The following RBFOX1 variants were observed in gnomAD, a reference collection of about 807,000 sequenced individuals.
RBFOX1 encodes the protein RNA binding protein fox-1 homolog 1.
In RBFOX1, 8 loss-of-function variants were observed where a neutral mutation model predicts 57.7. The observed-to-expected ratio is 0.14, with a 90% CI of 0.08 to 0.25. RBFOX1 has a LOEUF of 0.25. Ranked by LOEUF, RBFOX1 falls within the 10% of genes least tolerant of loss-of-function variation. The probability of loss-of-function intolerance (pLI) is 1.00; values close to 1 mark genes in which losing one functional copy is unlikely to be tolerated. For synonymous variants in RBFOX1, 326 were observed against 222.4 expected, an observed-to-expected ratio of 1.47 and a Z score of -4.15; for missense variants, 611 against 548.5, an observed-to-expected ratio of 1.11 and a Z score of -1.14.
At chr16:6,660,007 C>T (rs777556069) in intron 3 of RBFOX1, among the ~76,000 whole-genome samples, 16 of 151,870 alleles carry the variant, frequency 1.1e-4, no homozygotes, top group Non-Finnish European at 1.9e-4. Flanking sequence ...GAGGCGGCCT[C>T]CAAGATCAGG....
chr16:7,305,376 C>T (rs1306874762), intron 4 of RBFOX1, among the ~76,000 whole-genome samples: 1 of 152,084 alleles, frequency 6.6e-6, no homozygotes, highest in African/African-American at 2.4e-5. Context: ...GGGTGACAGG[C>T]CAGCTCTCTG....
intron 1 of RBFOX1, among the ~76,000 whole-genome samples, chr16:5,463,095 A>T (rs2068842167): frequency 6.6e-6 from 1 of 152,208 alleles, no homozygotes; most frequent in African/African-American, 2.4e-5. Context: ...ATATTTTTGC[A>T]TTTTTAGGAA....
intron 4 of RBFOX1, among the ~76,000 whole-genome samples, chr16:7,179,075 A>C (rs1046352322): frequency 1.3e-5 from 2 of 152,122 alleles, no homozygotes; most frequent in African/African-American, 4.8e-5. Context: ...CTGATGCATA[A>C]TTAATGTACA....
chr16:5,882,571 C>T (rs1457287717), intron 4 of RBFOX1, among the ~76,000 whole-genome samples: 2 of 152,120 alleles, frequency 1.3e-5, no homozygotes, highest in African/African-American at 4.8e-5. Flanking sequence ...CTGGAGGGCT[C>T]ATGATTTGTG....
chr16:6,312,414 A>G (rs1353813968), intron 1 of RBFOX1, among the ~76,000 whole-genome samples: 1 of 151,964 alleles, frequency 6.6e-6, no homozygotes, highest in Non-Finnish European at 1.5e-5. Flanking sequence ...GAGAAGAGTG[A>G]CCCCACAGTT....
intron 1 of RBFOX1, among the ~76,000 whole-genome samples, chr16:6,295,259 G>C (rs2152730620): frequency 6.6e-6 from 1 of 152,248 alleles, no homozygotes; most frequent in East Asian, 1.9e-4. Context: ...AAGTAGCTGG[G>C]ATTACAGGCA....
intron 3 of RBFOX1, among the ~76,000 whole-genome samples, chr16:5,664,948 C>CTTTTT (rs35998497): frequency 1.4e-5 from 2 of 146,862 alleles, no homozygotes; most frequent in Admixed American, 6.8e-5. Context: ...TATCTCTGCT[C>CTTTTT]TTTTTTTTTT....
intron 3 of RBFOX1, among the ~76,000 whole-genome samples, chr16:6,790,191 T>TATTATTATTATTATTA (rs1555469992): frequency 2.3e-4 from 34 of 148,316 alleles, no homozygotes; most frequent in Middle Eastern, 3.6e-3. Context: ...TTATTATTAT[T>TATTATTATTATTATTA]ATTATTATTT....
chr16:7,587,413 T>C, intron 7 of RBFOX1, 113 bp downstream of exon 7: 19 of 1,154,442 alleles, frequency 1.6e-5, no homozygotes, highest in Non-Finnish European at 2.1e-5. Flanking sequence ...TACACTTCAG[T>C]GGGAATTCCT....
intron 1 of RBFOX1, among the ~76,000 whole-genome samples, chr16:6,185,866 T>C (rs1233818619): frequency 1.3e-5 from 2 of 152,170 alleles, no homozygotes; most frequent in Non-Finnish European, 2.9e-5. Flanking sequence ...CTTGACATCC[T>C]AAAGAAGAAG....
intron 4 of RBFOX1, among the ~76,000 whole-genome samples, chr16:7,415,135 G>C (rs61632622): frequency 6.6e-6 from 1 of 152,084 alleles, no homozygotes; most frequent in South Asian, 2.1e-4. Flanking sequence ...TAATTATTTT[G>C]TTACCATTTT....
At chr16:7,582,030 C>A (rs116724132) in intron 6 of RBFOX1, among the ~76,000 whole-genome samples, 133,768 of 144,944 alleles carry the variant, frequency 0.92, 61,701 homozygotes, top group South Asian at 0.96. Flanking sequence ...TCCAGCACCC[C>A]CCCCCCCCCT....
At chr16:6,925,345 G>T (rs918010713) in intron 3 of RBFOX1, among the ~76,000 whole-genome samples, 1 of 151,450 alleles carries the variant, frequency 6.6e-6, no homozygotes, top group African/African-American at 2.4e-5. Context: ...GGCTGGTCTT[G>T]AACTCCTGAC....
At chr16:6,693,625 T>C (rs1456716958) in intron 3 of RBFOX1, among the ~76,000 whole-genome samples, 1 of 139,854 alleles carries the variant, frequency 7.2e-6, no homozygotes, top group Non-Finnish European at 1.5e-5. Context: ...TCAACACATT[T>C]TTATTCACTA....
In RBFOX1 at chr16:7,667,501, A is replaced by C. The variant is rs566867482; in HGVS notation, c.930+2533A>C. ...TATCCCCAAGCTTCGTTTTTAAAAGAGATGATGGTTAAACAGACTCTTAGA... is the reference window on the plus strand; with the variant it reads ...TATCCCCAAGCTTCGTTTTTAAAAGCGATGATGGTTAAACAGACTCTTAGA... On this transcript the variant is annotated intron_variant, in intron 13 of 15. Coordinates refer to ENST00000550418, the MANE Select transcript of RBFOX1 (RefSeq NM_018723.4). Among the ~76,000 whole-genome samples, 10 of 152,282 alleles carry C rather than the reference A, an allele frequency of 6.6e-5. No individual in the cohort carries two copies. The East Asian group carries it at 1.7e-3, about 26-fold the overall frequency.
At chr16:6,753,319 T>A (rs921304818) in intron 3 of RBFOX1, among the ~76,000 whole-genome samples, 3 of 152,210 alleles carry the variant, frequency 2.0e-5, no homozygotes, top group Non-Finnish European at 4.4e-5. Flanking sequence ...CTTTGCTGTT[T>A]TGAGATTTGC....
chr16:7,709,505 C>A (rs2148598640), intron 15 of RBFOX1: 2 of 1,516,762 alleles, frequency 1.3e-6, no homozygotes, highest in Non-Finnish European at 1.8e-6. Context: ...CCCAAGGTTC[C>A]AGCCCCAGCA....
At chr16:5,675,487 G>A (rs895553538) in intron 3 of RBFOX1, among the ~76,000 whole-genome samples, 13 of 152,284 alleles carry the variant, frequency 8.5e-5, no homozygotes, top group African/African-American at 3.1e-4. Flanking sequence ...GAAGACAATT[G>A]CTCCCCAAAC....
At chr16:6,543,301 T>C (rs2096849648) in intron 2 of RBFOX1, among the ~76,000 whole-genome samples, 1 of 152,062 alleles carries the variant, frequency 6.6e-6, no homozygotes, top group African/African-American at 2.4e-5. Flanking sequence ...CAGTTGCCCC[T>C]CCTTGAGACT....
Sources: gnomAD v4.1 joint callset for allele counts (sites outside exome capture counted in the v4.1 genomes callset) on GRCh38, gnomAD v4.1.1 for gene constraint, MANE v1.5 for transcripts, NCBI Gene and HGNC (gene_info 2026-07-23, HGNC 2026-07-21) for gene names.